The following RBBP5 variants were observed in gnomAD, a reference collection of about 807,000 sequenced individuals.
The protein encoded by RBBP5 is retinoblastoma-binding protein 5.
Under a neutral mutation model 72.2 loss-of-function variants are expected in RBBP5, and 5 were observed. That is an observed-to-expected ratio of 0.07 (90% CI 0.04 to 0.15). RBBP5 has a LOEUF of 0.15. RBBP5 is among the 10% of genes least tolerant of loss of function. The probability of loss-of-function intolerance (pLI) is 1.00; values close to 1 mark genes in which losing one functional copy is unlikely to be tolerated. For missense variants in RBBP5, 322 were observed against 652.2 expected (o/e 0.49, Z 5.51); for synonymous variants, 209 against 237.2 (o/e 0.88, Z 1.09).
chr1:205,101,880 G>A (rs1008644443), intron 5 of RBBP5, among the ~76,000 whole-genome samples, 171 bp from the exon 6 acceptor site: 1 of 149,980 alleles, frequency 6.7e-6, no homozygotes, highest in Non-Finnish European at 1.5e-5. Flanking sequence ...AGTAAGACAA[G>A]GTCTTAATCT....
chr1:205,118,989 CCTTTT>C (rs752915560), intron 1 of RBBP5, among the ~76,000 whole-genome samples: 32 of 152,208 alleles, frequency 2.1e-4, no homozygotes, highest in Admixed American at 1.3e-4. Context: ...CTGTTCCTTT[CCTTTT>C]ATCTATAATC....
intron 1 of RBBP5, among the ~76,000 whole-genome samples, chr1:205,120,948 C>T (rs1487156710): frequency 1.3e-5 from 2 of 152,202 alleles, no homozygotes; most frequent in Admixed American, 6.5e-5. Context: ...CTGCAATATC[C>T]TACAGCTATT....
At chr1:205,106,737 C>T (rs1656080250) in intron 3 of RBBP5, among the ~76,000 whole-genome samples, 1 of 152,166 alleles carries the variant, frequency 6.6e-6, no homozygotes, top group African/African-American at 2.4e-5. Context: ...GACACTAATA[C>T]AGAAATGACA....
At chr1:205,116,575 T>C (rs1219303370) in intron 1 of RBBP5, among the ~76,000 whole-genome samples, 1 of 152,142 alleles carries the variant, frequency 6.6e-6, no homozygotes, top group Non-Finnish European at 1.5e-5. Flanking sequence ...TCCCAGAACT[T>C]TGGGAGGCCA....
At chr1:205,109,866 T>C (rs909265403) in intron 3 of RBBP5, among the ~76,000 whole-genome samples, 4 of 152,040 alleles carry the variant, frequency 2.6e-5, no homozygotes, top group Non-Finnish European at 5.9e-5. Flanking sequence ...TTCTGCAGCA[T>C]CCTAACAAGG....
chr1:205,115,939 A>T (rs755570428), intron 1 of RBBP5, 56 bp from the exon 2 acceptor site: 1 of 1,613,910 alleles, frequency 6.2e-7, no homozygotes, highest in African/African-American at 1.3e-5. Flanking sequence ...CAAGGATCAT[A>T]CAACTCACGA....
At chr1:205,111,638 C>T (rs904560573) in intron 3 of RBBP5, among the ~76,000 whole-genome samples, 21 of 152,324 alleles carry the variant, frequency 1.4e-4, no homozygotes, top group South Asian at 1.0e-3. Flanking sequence ...CTTACTGCAA[C>T]ACTCATTATC....
intron 6 of RBBP5, 61 bp from the exon 7 acceptor site, chr1:205,100,332 A>G (rs1281788453): frequency 6.4e-7 from 1 of 1,566,038 alleles, no homozygotes; most frequent in Non-Finnish European, 8.7e-7. Flanking sequence ...AGTACTACAA[A>G]ACGACTAATA....
At chr1:205,112,479 T>C (rs1204888643) in intron 3 of RBBP5, among the ~76,000 whole-genome samples, 1 of 152,216 alleles carries the variant, frequency 6.6e-6, no homozygotes, top group Admixed American at 6.5e-5. Context: ...CTTTAGTATA[T>C]GTACCTGTAT....
At chr1:205,121,026 A>T (rs1362947598) in intron 1 of RBBP5, among the ~76,000 whole-genome samples, 4 of 152,220 alleles carry the variant, frequency 2.6e-5, no homozygotes, top group African/African-American at 9.6e-5. Flanking sequence ...TTTTTTATGT[A>T]TCTTTGTAGC....
rs1325879039 is a variant in RBBP5 at position 205,116,364 on chromosome 1, C to T, written c.20-481G>A. The T allele has an allele frequency of 2.7e-5, 9 of 331,398 alleles. 1 individual carries two copies. Among genetic ancestry groups the T allele is most frequent in the South Asian group, 1.7e-4 (7 of 42,172 alleles). The allele number at this position is 331,398 out of a possible 1,614,324, so 20.5% of individuals were successfully genotyped here. A position where few individuals can be genotyped will look rare whatever the true frequency, so the allele number is the denominator to read the frequency against. ...GGTAAACACTGGTAGGTAGATATCACCTACATAAACAAAAACTCTCTGGGG... is the reference window on the plus strand; with the variant it reads ...GGTAAACACTGGTAGGTAGATATCATCTACATAAACAAAAACTCTCTGGGG... On this transcript the variant is annotated intron_variant, in intron 1 of 13. Coordinates refer to ENST00000264515, the MANE Select transcript of RBBP5 (RefSeq NM_005057.4).
chr1:205,088,711 T>C lies in RBBP5; in HGVS notation c.*76A>G. On this transcript the variant is annotated 3_prime_UTR_variant, in exon 14 of 14. Transcript: ENST00000264515. ...GGCCTTTGTTTTAAATTAAAGTCAA[T>C]TTTCAAATGACTGACCACAGTGTCC... 1 of 1,469,544 alleles carries C rather than the reference T, an allele frequency of 6.8e-7. No individual in the cohort carries two copies. The highest frequency in any genetic ancestry group is 9.3e-7 in the Non-Finnish European group (1 of 1,070,744). The allele number at this position is 1,469,544 out of a possible 1,614,324, so 91.0% of individuals were successfully genotyped here.
intron 5 of RBBP5, among the ~76,000 whole-genome samples, chr1:205,103,512 G>A (rs889324159): frequency 2.0e-5 from 3 of 152,126 alleles, no homozygotes; most frequent in Non-Finnish European, 2.9e-5. Flanking sequence ...AAGTTAAGCT[G>A]GCCTGAATTA....
At position 205,114,482 on chromosome 1, in the gene RBBP5, C is replaced by T. The variant is rs553912267; in HGVS notation, c.218+307G>A. Among the ~76,000 whole-genome samples, 56 of 152,264 alleles carry T rather than the reference C, an allele frequency of 3.7e-4. 1 individual carries two copies. Among genetic ancestry groups the T allele is most frequent in the African/African-American group, 1.3e-3 (54 of 41,562 alleles). The stretch of plus-strand genomic sequence containing the variant: ...ATGACTTCCAAGCTTCTGTCCTAAC[C>T]GAGACTTTTTATTCTAAATGAAAAG... On this transcript the variant is annotated intron_variant, in intron 3 of 13. Coordinates refer to ENST00000264515, the MANE Select transcript of RBBP5 (RefSeq NM_005057.4).
At chr1:205,111,235 C>A (rs1456514773) in intron 3 of RBBP5, among the ~76,000 whole-genome samples, 1 of 152,192 alleles carries the variant, frequency 6.6e-6, no homozygotes, top group African/African-American at 2.4e-5. Flanking sequence ...AGACCAAATG[C>A]CCTTTGGGCA....
chr1:205,093,001 T>C (rs1437646431), intron 13 of RBBP5, among the ~76,000 whole-genome samples: 2 of 152,226 alleles, frequency 1.3e-5, no homozygotes, highest in African/African-American at 2.4e-5. Flanking sequence ...TAAAATATTT[T>C]AGCTCTCCAG....
At chr1:205,114,680 G>T (rs944623881) in intron 3 of RBBP5, 109 bp downstream of exon 3, 45 of 1,064,034 alleles carry the variant, frequency 4.2e-5, no homozygotes, top group Non-Finnish European at 5.8e-5. Flanking sequence ...TATTACTAAT[G>T]GCTGAATATT....
rs1342287605 is a variant in RBBP5, at chr1:205,086,727, G to T, written c.*2060C>A. On this transcript the variant is annotated 3_prime_UTR_variant, in exon 14 of 14. Transcript: ENST00000264515. Reference sequence around the variant, plus strand: ...AGCTACTGCCAGAGACAATCTGACAGGGCTGAAGATGATTTTCTCAGTAGC... The same window carrying T: ...AGCTACTGCCAGAGACAATCTGACATGGCTGAAGATGATTTTCTCAGTAGC... The T allele has an allele frequency of 6.6e-6, 1 of 152,114 alleles. No individual in the cohort carries two copies. Among genetic ancestry groups the T allele is most frequent in the Non-Finnish European group, 1.5e-5 (1 of 68,028 alleles). 9.4% of individuals were successfully genotyped at this position (152,114 alleles called of 1,614,324 possible).
At chr1:205,095,961 G>A (rs983888192) in intron 12 of RBBP5, among the ~76,000 whole-genome samples, 4 of 152,140 alleles carry the variant, frequency 2.6e-5, no homozygotes, top group Non-Finnish European at 4.4e-5. Context: ...GGGAGGCCGA[G>A]GCAGGCGGAT....
Sources: allele counts gnomAD v4.1 joint callset (sites outside exome capture counted in the v4.1 genomes callset), GRCh38; gene constraint gnomAD v4.1.1; transcripts MANE v1.5; gene names NCBI Gene and HGNC (gene_info 2026-07-23, HGNC 2026-07-21).